The following FMNL1 variants were observed in gnomAD, a reference collection of about 807,000 sequenced individuals.
FMNL1 encodes the protein formin like 1, also known as formin-like protein 1.
FMNL1 carries 43 observed loss-of-function variants against 121.3 expected under a neutral mutation model. The observed-to-expected ratio is 0.35, with a 90% CI of 0.28 to 0.46. FMNL1 has a LOEUF of 0.46. Ranked by LOEUF, FMNL1 falls within the 20% of genes least tolerant of loss-of-function variation. The probability of loss-of-function intolerance (pLI) is 1.00; values close to 1 mark genes in which losing one functional copy is unlikely to be tolerated. For missense variants in FMNL1, 1,191 were observed against 1,482.4 expected (o/e 0.80, Z 3.23); for synonymous variants, 613 against 613.5 (o/e 1.00, Z 0.01).
Position 45,239,057 on chromosome 17 carries a change from T to C in FMNL1, c.1072T>C (p.Tyr358His). The part of the protein sequence containing the change: ...YEFTHLGLDL[Y>H]LERLRLTESD... ...GTTCACCCACTTGGGCCTGGACCTG[T>C]ACTTGGAGGTAAGCCCTGTACTGCC... The change falls in exon 11 of 27, where the codon TAC becomes CAC. Residue 358 changes from tyrosine (Y) to histidine (H), a missense_variant. By Grantham distance (83) the Tyr-to-His change is moderately conservative. Transcript: ENST00000331495. 6.2e-7 allele frequency: 1 copy of C among 1,613,766 alleles called. No individual in the cohort carries two copies. The highest frequency in any genetic ancestry group is 1.3e-5 in the African/African-American group (1 of 75,044).
Position 45,231,833 on chromosome 17 carries a change from G to C in FMNL1, c.214-534G>C, listed in dbSNP as rs746639967. On this transcript the variant is annotated intron_variant, in intron 2 of 26. Transcript: ENST00000331495. The surrounding 1 kb of genome is among the most constrained non-coding windows in gnomAD (Gnocchi z 4.7). The stretch of plus-strand genomic sequence containing the variant: ...GCACCTCCAGCCGTCCTTCCCCGCC[G>C]TATGCCAGCTCTGGTCCAGGGAGGG... Among the ~76,000 whole-genome samples, 2 of 152,134 alleles carry C rather than the reference G, an allele frequency of 1.3e-5. No homozygotes were observed. The highest frequency in any genetic ancestry group is 2.9e-5 in the Non-Finnish European group (2 of 68,000).
At chr17:45,230,776 G>T in intron 2 of FMNL1, 89 bp downstream of exon 2, 1 of 1,363,412 alleles carries the variant, frequency 7.3e-7, no homozygotes. Context: ...GAGGGGCACC[G>T]CCATACTGCC....
Position 45,233,301 on chromosome 17 carries a change from A to G in FMNL1, c.401+4A>G, listed in dbSNP as rs1422901961. 3.9e-6 allele frequency: 6 copies of G among 1,556,752 alleles called. No homozygotes were observed. The highest frequency in any genetic ancestry group is 5.2e-6 in the Non-Finnish European group (6 of 1,150,692). On this transcript the variant is annotated splice_donor_region_variant and intron_variant, in intron 4 of 26. Transcript: ENST00000331495. The surrounding 1 kb of genome is among the most constrained non-coding windows in gnomAD (Gnocchi z 4.1). ...CCCTGAGGACCAACCACATTGGGTG[A>G]GTGAGGGCTCAGATCTTCCTCTCTG...
chr17:45,245,685 C>T lies in FMNL1; in HGVS notation c.2946C>T (p.Ser982=). Residue 982 remains serine (S), a synonymous_variant, in exon 23 of 27, where the codon TCC becomes TCT. Coordinates refer to ENST00000331495, the MANE Select transcript of FMNL1 (RefSeq NM_005892.4). The stretch of plus-strand genomic sequence containing the variant: ...TCGGAGAGAACCCCAAGACCACATC[C>T]CCAGGCCTGTTCTTCTCCCTCTTTA... The part of the protein sequence containing the change: ...EYFGENPKTT[S]PGLFFSLFSR... 2 of 1,614,144 alleles carry T rather than the reference C, an allele frequency of 1.2e-6. No homozygotes were observed. The highest frequency in any genetic ancestry group is 1.7e-6 in the Non-Finnish European group (2 of 1,179,988).
chr17:45,245,492 G>C (rs540839243), intron 22 of FMNL1, 76 bp downstream of exon 22: 10 of 1,606,666 alleles, frequency 6.2e-6, no homozygotes, highest in Non-Finnish European at 8.5e-6. Flanking sequence ...GGGTGTGGCC[G>C]TAGCTGGGAC....
Position 45,241,957 on chromosome 17 carries a change from C to T in FMNL1, c.1696C>T (p.Pro566Ser), listed in dbSNP as rs2043709590. 2.2e-6 allele frequency: 3 copies of T among 1,346,668 alleles called. No homozygotes were observed. The highest frequency in any genetic ancestry group is 2.8e-6 in the Non-Finnish European group (3 of 1,053,562). 83.4% of individuals were successfully genotyped at this position (1,346,668 alleles called of 1,614,324 possible). Residue 566 changes from proline to serine, a missense_variant, in exon 15 of 27, where the codon CCG becomes TCG. By Grantham distance (74) the Pro-to-Ser change is moderately conservative. Around this residue, in one of 4 missense-constraint regions of FMNL1, gnomAD observed 519 missense variants for 492.8 expected, o/e 1.05. Coordinates refer to ENST00000331495, the MANE Select transcript of FMNL1 (RefSeq NM_005892.4). This position sits in a 1 kb window ranked among gnomAD's most constrained non-coding sequence, Gnocchi z 7.0. ...EAPPSAPPQA[P>S]PLPGSPEPPP... Reference sequence around the variant, plus strand: ...CCCGCCCTCTGCGCCCCCACAGGCCCCGCCTCTCCCTGGCAGCCCGGAGCC... The same window carrying T: ...CCCGCCCTCTGCGCCCCCACAGGCCTCGCCTCTCCCTGGCAGCCCGGAGCC...
chr17:45,247,174 A>G lies in FMNL1; in HGVS notation c.*316A>G. On this transcript the variant is annotated 3_prime_UTR_variant, in exon 27 of 27. Transcript: ENST00000331495. ...AAATGCTGCTTGCAGCACCCACCCT[A>G]AAGCCCCCTCCAAATAGCCATACTT... 1.8e-6 allele frequency: 1 copy of G among 564,656 alleles called. No homozygotes were observed. The allele number at this position is 564,656 out of a possible 1,614,324, so 35.0% of individuals were successfully genotyped here. A position where few individuals can be genotyped will look rare whatever the true frequency, so the allele number is the denominator to read the frequency against.
chr17:45,243,088 C>A, intron 16 of FMNL1, 30 bp from the exon 17 acceptor site: 1 of 1,611,980 alleles, frequency 6.2e-7, no homozygotes, highest in Non-Finnish European at 8.5e-7. Flanking sequence ...CAGCCCCACC[C>A]AGCTCCGCCT....
Position 45,237,487 on chromosome 17 carries a change from C to T in FMNL1, c.801-59C>T. 6 of 1,610,752 alleles carry T rather than the reference C, an allele frequency of 3.7e-6. No homozygotes were observed. The highest frequency in any genetic ancestry group is 1.7e-5 in the Admixed American group (1 of 60,012). On this transcript the variant is annotated intron_variant, in intron 8 of 26. Transcript: ENST00000331495. This position sits in a 1 kb window ranked among gnomAD's most constrained non-coding sequence, Gnocchi z 4.4. ...ATGCTCCTCCTAGCCAGGCCTGTGC[C>T]CACCCTTGCCGCGGGTCCTGCCTGT...
chr17:45,236,848 A>G (rs2043561618), intron 7 of FMNL1, among the ~76,000 whole-genome samples: 1 of 152,260 alleles, frequency 6.6e-6, no homozygotes, highest in African/African-American at 2.4e-5. Flanking sequence ...GTGGTGGCTC[A>G]TATCTGTAAT....
At chr17:45,240,649 C>T (rs2043667453) in intron 12 of FMNL1, 24 bp downstream of exon 12, 1 of 1,606,148 alleles carries the variant, frequency 6.2e-7, no homozygotes, top group Admixed American at 1.7e-5. Context: ...CTGACCCCAG[C>T]CCAGCACATC....
In FMNL1 at chr17:45,241,919, C is replaced by T. The variant is rs1598206880; in HGVS notation, c.1658C>T (p.Ser553Phe). 7.2e-7 allele frequency: 1 copy of T among 1,398,564 alleles called. No homozygotes were observed. 86.6% of individuals were successfully genotyped at this position (1,398,564 alleles called of 1,614,324 possible). A position where few individuals can be genotyped will look rare whatever the true frequency, so the allele number is the denominator to read the frequency against. ...CCGCCCCCACTGCCCGGCCTCCCCT[C>T]CCCGCAGGAAGCCCCGCCCTCTGCG... is the stretch of plus-strand genomic sequence containing the variant. The part of the protein sequence containing the change: ...PPPPPLPGLP[S>F]PQEAPPSAPP... The change falls in exon 15 of 27, where the codon TCC (serine) becomes TTC (phenylalanine). Residue 553 changes from serine (S) to phenylalanine (F), a missense_variant. Coordinates refer to ENST00000331495, the MANE Select transcript of FMNL1 (RefSeq NM_005892.4). The surrounding 1 kb of genome is among the most constrained non-coding windows in gnomAD (Gnocchi z 7.0).
intron 2 of FMNL1, among the ~76,000 whole-genome samples, chr17:45,232,115 A>C (rs1340474578): frequency 6.6e-6 from 1 of 152,180 alleles, no homozygotes; most frequent in African/African-American, 2.4e-5. Flanking sequence ...AGGAGGCTCC[A>C]GTGAACTATG....
chr17:45,242,768 C>A (rs1349942643), intron 16 of FMNL1, among the ~76,000 whole-genome samples: 2 of 152,254 alleles, frequency 1.3e-5, no homozygotes, highest in Non-Finnish European at 2.9e-5. Flanking sequence ...CTCCTGATTC[C>A]ACTTCCAGTT....
At chr17:45,244,954 T>G in intron 20 of FMNL1, 25 bp from the exon 21 acceptor site, 1 of 1,611,910 alleles carries the variant, frequency 6.2e-7, no homozygotes, top group South Asian at 1.1e-5. Context: ...TGGTGGCCTG[T>G]GGCTTACAAT....
chr17:45,233,115 C>A lies in FMNL1; in HGVS notation c.328-109C>A. 9.1e-7 allele frequency: 1 copy of A among 1,102,040 alleles called. No individual in the cohort carries two copies. Among genetic ancestry groups the A allele is most frequent in the Non-Finnish European group, 1.3e-6 (1 of 741,614 alleles). 68.3% of individuals were successfully genotyped at this position (1,102,040 alleles called of 1,614,324 possible). A position where few individuals can be genotyped will look rare whatever the true frequency, so the allele number is the denominator to read the frequency against. On this transcript the variant is annotated intron_variant, in intron 3 of 26. Transcript: ENST00000331495. The surrounding 1 kb of genome is among the most constrained non-coding windows in gnomAD (Gnocchi z 4.1). The stretch of plus-strand genomic sequence containing the variant: ...GGGGGAGGCTGAGCATGAAAGGCCA[C>A]TTGTGCCAGTTGGAGGAGGGTGGGC...
Position 45,222,184 on chromosome 17 carries a change from G to A in FMNL1, c.60G>A (p.Lys20=). Residue 20 remains lysine (K), a synonymous_variant, in exon 1 of 27, where the codon AAG becomes AAA. Transcript: ENST00000331495. The part of the protein sequence containing the change: ...QPAGPAAPPP[K]QPAPPKQPMP... ...CGGGCCCCGCCGCGCCGCCCCCCAA[G>A]CAGCCCGCGCCTCCCAAGCAGCCGA... 1 of 1,227,954 alleles carries A rather than the reference G, an allele frequency of 8.1e-7. No individual in the cohort carries two copies. Among genetic ancestry groups the A allele is most frequent in the Non-Finnish European group, 1.0e-6 (1 of 982,480 alleles). 76.1% of individuals were successfully genotyped at this position (1,227,954 alleles called of 1,614,324 possible).
intron 24 of FMNL1, 89 bp downstream of exon 24, chr17:45,246,062 T>TA: frequency 6.6e-7 from 1 of 1,523,590 alleles, no homozygotes; most frequent in African/African-American, 1.4e-5. Context: ...CCCTCACTGT[T>TA]ACAGACTGAC....
intron 11 of FMNL1, among the ~76,000 whole-genome samples, chr17:45,240,071 A>T (rs1172303504): frequency 3.3e-5 from 5 of 152,242 alleles, no homozygotes. Flanking sequence ...GATTACAGGC[A>T]TGAGCCACCT....
Sources: allele counts gnomAD v4.1 joint callset (sites outside exome capture counted in the v4.1 genomes callset), GRCh38; gene constraint gnomAD v4.1.1; regional missense constraint gnomAD v4.1.1; non-coding constraint Gnocchi (gnomAD v3.1); transcripts MANE v1.5; gene names NCBI Gene and HGNC (gene_info 2026-07-23, HGNC 2026-07-21).